Variants in MYH11 observed in about 807,000 individuals in gnomAD.
MYH11 encodes the protein myosin-11.
MYH11 carries 80 observed loss-of-function variants against 246.6 expected under a neutral mutation model. That is an observed-to-expected ratio of 0.32 (90% CI 0.27 to 0.39). The LOEUF is 0.39. Ranked by LOEUF, MYH11 falls within the 10% of genes least tolerant of loss-of-function variation. The pLI, the probability that MYH11 is intolerant of heterozygous loss-of-function variation, is 1.00. For missense variants in MYH11, 2,158 were observed against 2,546.8 expected (o/e 0.85, Z 3.29); for synonymous variants, 1,071 against 1,015.5 (o/e 1.05, Z -1.04).
chr16:15,737,478 C>A lies in MYH11; in HGVS notation c.3264G>T (p.Lys1088Asn). 1 of 1,613,666 alleles carries A rather than the reference C, an allele frequency of 6.2e-7. No individual in the cohort carries two copies. The change falls in exon 25 of 41, where the codon AAG becomes AAT. Residue 1088 changes from lysine to asparagine, a missense_variant. Lys to Asn is a moderately conservative substitution (Grantham distance 94, BLOSUM62 0). Coordinates refer to ENST00000300036, the MANE Select transcript of MYH11 (RefSeq NM_002474.3). ...CCAGGGCCGCCTGCAGCTCCTCCTC[C>A]TTCTTGGCCAGCTGCATCTTGAGCT... The part of the protein sequence containing the change: ...IAELKMQLAK[K>N]EEELQAALAR...
chr16:15,829,872 C>T (rs1368294250), intron 2 of MYH11, among the ~76,000 whole-genome samples: 1 of 152,204 alleles, frequency 6.6e-6, no homozygotes, highest in Admixed American at 6.5e-5. Context: ...CAGTGGCTCA[C>T]ACCTGTAATC....
chr16:15,818,636 C>T (rs143950758), intron 3 of MYH11, among the ~76,000 whole-genome samples: 2 of 152,050 alleles, frequency 1.3e-5, no homozygotes, highest in Non-Finnish European at 2.9e-5. Context: ...CGGAGATTCA[C>T]CACGTTAGCC....
Position 15,747,562 on chromosome 16 carries a change from A to C in MYH11, c.2411+8T>G. 2 of 1,614,156 alleles carry C rather than the reference A, an allele frequency of 1.2e-6. No individual in the cohort carries two copies. The highest frequency in any genetic ancestry group is 1.7e-6 in the Non-Finnish European group (2 of 1,180,032). ...TTGAGGTATTAGGATGCAGGAAAGC[A>C]TCTTTACTTTCTGGCCAAGTAGCCA... On this transcript the variant is annotated splice_region_variant and intron_variant, in intron 19 of 40. Coordinates refer to ENST00000300036, the MANE Select transcript of MYH11 (RefSeq NM_002474.3).
At chr16:15,792,080 GAC>G (rs2042624139) in intron 4 of MYH11, 1 of 152,140 alleles carries the variant, frequency 6.6e-6, no homozygotes, top group African/African-American at 2.4e-5. Context: ...TGTTTTTTGA[GAC>G]AGAGTTTTGC....
chr16:15,819,453 C>T, intron 3 of MYH11, among the ~76,000 whole-genome samples: 1 of 152,170 alleles, frequency 6.6e-6, no homozygotes, highest in East Asian at 1.9e-4. Flanking sequence ...ACTGCCTGAG[C>T]TCTGCTTCCT....
intron 2 of MYH11, among the ~76,000 whole-genome samples, chr16:15,828,702 AGAATCACTT>A (rs1238250495): frequency 6.6e-6 from 1 of 151,322 alleles, no homozygotes; most frequent in African/African-American, 2.4e-5. Context: ...CCGAGGTAGG[AGAATCACTT>A]GAACCCAGGA....
At chr16:15,786,925 A>G (rs932733710) in intron 4 of MYH11, among the ~76,000 whole-genome samples, 193 bp from the exon 5 acceptor site, 1 of 152,228 alleles carries the variant, frequency 6.6e-6, no homozygotes, top group African/African-American at 2.4e-5. Context: ...GCCTAGGTCC[A>G]ATGCCCAATC....
chr16:15,727,830 G>C (rs2040841437), intron 27 of MYH11, among the ~76,000 whole-genome samples: 1 of 152,014 alleles, frequency 6.6e-6, no homozygotes, highest in Non-Finnish European at 1.5e-5. Flanking sequence ...ACATTAGCTG[G>C]GTGTGGGGGG....
At chr16:15,718,617 C>T (rs1167791497) in intron 36 of MYH11, 179 bp from the exon 37 acceptor site, 2 of 940,410 alleles carry the variant, frequency 2.1e-6, no homozygotes, top group Non-Finnish European at 3.1e-6. Context: ...AGCCGGGACT[C>T]AGGCCGGGTC....
At position 15,724,267 on chromosome 16, in the gene MYH11, T is replaced by G; in HGVS notation, c.4259A>C (p.Lys1420Thr). ...EKAAAYDKLE[K>T]TKNRLQQELD... is the part of the protein sequence containing the mutation. The stretch of plus-strand genomic sequence containing the variant: ...CTCCTGCTGAAGCCTGTTCTTGGTC[T>G]TTTCCAGTTTATCATAAGCGGCCGC... The change falls in exon 31 of 41, where the codon AAG (lysine) becomes ACG (threonine). Residue 1420 changes from lysine to threonine, a missense_variant. Physicochemically the swap from Lys to Thr is moderately conservative, Grantham distance 78. Around this residue, in one of 11 missense-constraint regions of MYH11, gnomAD observed 1,013 missense variants for 993.5 expected, o/e 1.02. Coordinates refer to ENST00000300036, the MANE Select transcript of MYH11 (RefSeq NM_002474.3). 1 of 1,614,226 alleles carries G rather than the reference T, an allele frequency of 6.2e-7. No individual in the cohort carries two copies. The highest frequency in any genetic ancestry group is 1.1e-5 in the South Asian group (1 of 91,082).
rs748071728 is a variant in MYH11 at position 15,724,867 on chromosome 16, A to G, written c.3963+21T>C. ...GAAGGCCACCCCCCAGGTCCCCTGG[A>G]TGATGTGGCAGGACACTCACCTGGG... On this transcript the variant is annotated intron_variant, in intron 29 of 40. Coordinates refer to ENST00000300036, the MANE Select transcript of MYH11 (RefSeq NM_002474.3). The G allele has an allele frequency of 2.5e-6, 4 of 1,613,874 alleles. No homozygotes were observed. In the South Asian group the frequency reaches 4.4e-5, roughly 18 times the overall value.
rs200279878 is a variant in MYH11 at position 15,838,028 on chromosome 16, G to A, written c.225C>T (p.Asp75=). The change falls in exon 2 of 41, where the codon GAC becomes GAT. Residue 75 remains aspartate, a synonymous_variant. Transcript: ENST00000300036. ...ACTTGGGTGGGTTCATCTTCTGGAT[G>A]TCATCTTTCCCAACCGTGACCTTCT... ...NGKKVTVGKD[D]IQKMNPPKFS... 1 of 1,614,098 alleles carries A rather than the reference G, an allele frequency of 6.2e-7. No homozygotes were observed. The highest frequency in any genetic ancestry group is 8.5e-7 in the Non-Finnish European group (1 of 1,180,032).
At chr16:15,766,520 T>C (rs568870377) in intron 9 of MYH11, among the ~76,000 whole-genome samples, 1 of 152,120 alleles carries the variant, frequency 6.6e-6, no homozygotes, top group African/African-American at 2.4e-5. Flanking sequence ...TACAGGCGTG[T>C]GCCACCACAC....
intron 1 of MYH11, among the ~76,000 whole-genome samples, chr16:15,841,161 T>G (rs1373841821): frequency 1.3e-5 from 2 of 152,176 alleles, no homozygotes; most frequent in African/African-American, 2.4e-5. Context: ...TTGTTTGAGA[T>G]GGAGTCTTGC....
chr16:15,733,136 T>G, intron 26 of MYH11: 1 of 254,304 alleles, frequency 3.9e-6, no homozygotes, highest in South Asian at 5.2e-5. Context: ...ATGAGGAAAC[T>G]AAGGCTAAGA....
At chr16:15,705,806 C>G (rs1266030534) in intron 40 of MYH11, among the ~76,000 whole-genome samples, 1 of 151,642 alleles carries the variant, frequency 6.6e-6, no homozygotes, top group African/African-American at 2.4e-5. Flanking sequence ...ATGGTGAAAC[C>G]GTGTCTCTAC....
intron 37 of MYH11, chr16:15,718,030 G>A (rs767426695): frequency 2.7e-5 from 14 of 524,132 alleles, no homozygotes; most frequent in Admixed American, 6.4e-5. Flanking sequence ...CGCAATGAAA[G>A]AGCATCCCAA....
At chr16:15,774,468 C>A (rs1433906749) in intron 8 of MYH11, among the ~76,000 whole-genome samples, 2 of 152,208 alleles carry the variant, frequency 1.3e-5, no homozygotes, top group African/African-American at 2.4e-5. Flanking sequence ...TCCACAGGGT[C>A]CTGCACTGTA....
chr16:15,730,770 G>A (rs1044113371), intron 27 of MYH11, among the ~76,000 whole-genome samples: 1 of 152,224 alleles, frequency 6.6e-6, no homozygotes, highest in African/African-American at 2.4e-5. Flanking sequence ...GCCGAAGGTC[G>A]CAAGCTAAAA....
Sources: allele counts gnomAD v4.1 joint callset (sites outside exome capture counted in the v4.1 genomes callset), GRCh38; gene constraint gnomAD v4.1.1; regional missense constraint gnomAD v4.1.1; transcripts MANE v1.5; gene names NCBI Gene and HGNC (gene_info 2026-07-23, HGNC 2026-07-21).